Variants in ITGB3 observed in about 807,000 individuals in gnomAD.
ITGB3 encodes integrin subunit beta 3.
In ITGB3, 48 loss-of-function variants were observed where a neutral mutation model predicts 85.8. The ratio of observed to expected loss-of-function variants is 0.56; its 90% CI spans 0.44 to 0.71. The LOEUF is 0.71. Among genes scored for constraint, ITGB3 ranks in the 30% least tolerant of loss-of-function variants. The pLI is 0.00. For missense variants in ITGB3, 861 were observed against 1,019.1 expected, an observed-to-expected ratio of 0.84 and a Z score of 2.11; for synonymous variants, 363 against 395.6, an observed-to-expected ratio of 0.92 and a Z score of 0.98.
At chr17:47,275,823 T>C (rs11868894) in intron 2 of ITGB3, among the ~76,000 whole-genome samples, 25,225 of 152,086 alleles carry the variant, frequency 0.17, 2,226 homozygotes, top group Middle Eastern at 0.28. Context: ...ATTTAGCAAA[T>C]GAAACATTCC....
At chr17:47,298,909 C>G (rs2065155628) in intron 10 of ITGB3, among the ~76,000 whole-genome samples, 1 of 152,188 alleles carries the variant, frequency 6.6e-6, no homozygotes, top group Non-Finnish European at 1.5e-5. Context: ...TGGCTTTGTG[C>G]TGTGTCAGCC....
Position 47,253,993 on chromosome 17 carries a change from C to T in ITGB3, c.79+53C>T, listed in dbSNP as rs998849528. The T allele has an allele frequency of 5.9e-6, 7 of 1,183,484 alleles. No individual in the cohort carries two copies. In the African/African-American group the frequency reaches 9.7e-5, roughly 16 times the overall value. 73.3% of individuals were successfully genotyped at this position (1,183,484 alleles called of 1,614,324 possible). ...CGCAGCTGCCCCAGGATCTGCGCCCCGGTCAAGTTGCGGACTTGGAGCCGG... is the reference window on the plus strand; with the variant it reads ...CGCAGCTGCCCCAGGATCTGCGCCCTGGTCAAGTTGCGGACTTGGAGCCGG... On this transcript the variant is annotated intron_variant, in intron 1 of 14. Transcript: ENST00000559488.
intron 1 of ITGB3, among the ~76,000 whole-genome samples, chr17:47,274,164 C>T: frequency 6.6e-6 from 1 of 152,236 alleles, no homozygotes; most frequent in Non-Finnish European, 1.5e-5. Flanking sequence ...GTCCATGGCT[C>T]AGCCTTGCCC....
Position 47,286,259 on chromosome 17 carries a change from G to A in ITGB3, c.615-1G>A. 6.2e-7 allele frequency: 1 copy of A among 1,614,160 alleles called. No individual in the cohort carries two copies. Among genetic ancestry groups the A allele is most frequent in the Non-Finnish European group, 8.5e-7 (1 of 1,180,018 alleles). On this transcript the variant is annotated splice_acceptor_variant, in intron 4 of 14. Transcript: ENST00000559488. LOFTEE classifies it high-confidence loss of function. The stretch of plus-strand genomic sequence containing the variant: ...TTAAATTATCTCCCATCCCTCCCCA[G>A]TATGAAGACCACCTGCTTGCCCATG...
Position 47,310,201 on chromosome 17 carries a change from TTAATGA to T in ITGB3, c.*1_*6del. The T allele has an allele frequency of 6.2e-7, 1 of 1,613,646 alleles. No individual in the cohort carries two copies. The highest frequency in any genetic ancestry group is 1.1e-5 in the South Asian group (1 of 91,062). The stretch of plus-strand genomic sequence containing the variant: ...TCACCAATATCACGTACCGGGGCAC[TTAATGA>T]TAAGCAGTCATCCTCAGATCATTAT... On this transcript the variant is annotated stop_retained_variant and 3_prime_UTR_variant, in exon 15 of 15. Coordinates refer to ENST00000559488, the MANE Select transcript of ITGB3 (RefSeq NM_000212.3).
At chr17:47,270,956 T>G (rs775449766) in intron 1 of ITGB3, among the ~76,000 whole-genome samples, 3 of 152,200 alleles carry the variant, frequency 2.0e-5, no homozygotes, top group Non-Finnish European at 2.9e-5. Context: ...ATGAGCTCAG[T>G]TGCTTAAAAA....
intron 2 of ITGB3, among the ~76,000 whole-genome samples, chr17:47,282,478 A>G (rs189118828): frequency 6.6e-6 from 1 of 152,188 alleles, no homozygotes; most frequent in African/African-American, 2.4e-5. Context: ...GACTGTTATT[A>G]TGTTCGTGTT....
chr17:47,300,687 C>G lies in ITGB3; in HGVS notation c.2014+109C>G, dbSNP rs1019781808. The G allele has an allele frequency of 5.0e-6, 4 of 796,750 alleles. No homozygotes were observed. In the African/African-American group the frequency reaches 5.1e-5, roughly 10 times the overall value. The allele number at this position is 796,750 out of a possible 1,614,324, so 49.4% of individuals were successfully genotyped here. ...TGTAAAATGGAAGCGTGACTTCTAC[C>G]TCAGGGAATGTTGTGCAGGCTTGAG... On this transcript the variant is annotated intron_variant, in intron 12 of 14. Coordinates refer to ENST00000559488, the MANE Select transcript of ITGB3 (RefSeq NM_000212.3).
Position 47,300,340 on chromosome 17 carries a change from C to CGTGTGTGT in ITGB3, c.1914-137_1914-136insTGTGTGTG, listed in dbSNP as rs781123948. 1,756 of 506,084 alleles carry CGTGTGTGT rather than the reference C, an allele frequency of 3.5e-3. 1 individual carries two copies. The highest frequency in any genetic ancestry group is 0.012 in the African/African-American group (300 of 25,390). 31.3% of individuals were successfully genotyped at this position (506,084 alleles called of 1,614,324 possible). A position where few individuals can be genotyped will look rare whatever the true frequency, so the allele number is the denominator to read the frequency against. ...TCCCCAGGATTGTCTTACAGGCGCG[C>CGTGTGTGT]GCGCGCGTGTGTGTGTGTGTGTGTG... On this transcript the variant is annotated intron_variant, in intron 11 of 14. Coordinates refer to ENST00000559488, the MANE Select transcript of ITGB3 (RefSeq NM_000212.3).
rs751258146 is a variant in ITGB3, at chr17:47,299,283, A to G, written c.1691-25A>G. On this transcript the variant is annotated intron_variant, in intron 10 of 14. Transcript: ENST00000559488. This position sits in a 1 kb window ranked among gnomAD's most constrained non-coding sequence, Gnocchi z 5.1. ...GAGTGGAGCTCTCGCCAGCGGGTCC[A>G]CCTTCCTGGGCTGTGTGTTTTCAGG... The G allele has an allele frequency of 1.2e-6, 2 of 1,611,044 alleles. No homozygotes were observed. The highest frequency in any genetic ancestry group is 2.2e-5 in the East Asian group (1 of 44,862).
chr17:47,295,451 C>T (rs373386957), intron 10 of ITGB3, among the ~76,000 whole-genome samples: 25 of 152,112 alleles, frequency 1.6e-4, no homozygotes, highest in African/African-American at 4.3e-4. Context: ...TCTGACTTTC[C>T]GATGAACCCG....
chr17:47,263,075 GA>G (rs1461166145), intron 1 of ITGB3, among the ~76,000 whole-genome samples: 1 of 152,206 alleles, frequency 6.6e-6, no homozygotes. Flanking sequence ...CCAGAGAGAT[GA>G]AGGGATGTAC....
intron 1 of ITGB3, among the ~76,000 whole-genome samples, chr17:47,258,143 G>A (rs1034481955): frequency 2.0e-5 from 3 of 152,158 alleles, no homozygotes; most frequent in Non-Finnish European, 4.4e-5. Flanking sequence ...GGGATGAACC[G>A]CTTCGTTTTA....
At chr17:47,266,278 T>C (rs1357046366) in intron 1 of ITGB3, among the ~76,000 whole-genome samples, 1 of 152,192 alleles carries the variant, frequency 6.6e-6, no homozygotes, top group African/African-American at 2.4e-5. Context: ...CCCTTCTCGA[T>C]AAACACCTCT....
rs376429975 is a variant in ITGB3, at chr17:47,292,528, C to T, written c.1650C>T (p.Asp550=). The change falls in exon 10 of 15, where the codon GAC becomes GAT. Residue 550 remains aspartate, a synonymous_variant. Transcript: ENST00000559488. ...GKITGKYCEC[D]DFSCVRYKGE... ...TCACGGGCAAGTACTGCGAGTGTGACGACTTCTCCTGTGTCCGCTACAAGG... is the reference window on the plus strand; with the variant it reads ...TCACGGGCAAGTACTGCGAGTGTGATGACTTCTCCTGTGTCCGCTACAAGG... 4.2e-5 allele frequency: 67 copies of T among 1,603,926 alleles called. No homozygotes were observed. Among genetic ancestry groups the T allele is most frequent in the East Asian group, 2.5e-4 (11 of 44,872 alleles).
At chr17:47,258,140 A>G (rs1260395170) in intron 1 of ITGB3, among the ~76,000 whole-genome samples, 3 of 152,156 alleles carry the variant, frequency 2.0e-5, no homozygotes, top group Non-Finnish European at 1.5e-5. Flanking sequence ...TCAGGGATGA[A>G]CCGCTTCGTT....
At chr17:47,308,022 C>T (rs796748715) in intron 14 of ITGB3, among the ~76,000 whole-genome samples, 15 of 151,742 alleles carry the variant, frequency 9.9e-5, no homozygotes, top group African/African-American at 2.2e-4. Flanking sequence ...AAAAATTAGC[C>T]GGGTGTGGTG....
At chr17:47,274,927 A>G (rs919854868) in intron 2 of ITGB3, among the ~76,000 whole-genome samples, 2 of 152,140 alleles carry the variant, frequency 1.3e-5, no homozygotes, top group Non-Finnish European at 2.9e-5. Context: ...TTCATGTGTG[A>G]CCCACCATGC....
At chr17:47,290,461 G>GAAGA (rs1356868183) in intron 8 of ITGB3, among the ~76,000 whole-genome samples, 187 bp downstream of exon 8, 1 of 151,984 alleles carries the variant, frequency 6.6e-6, no homozygotes, top group Non-Finnish European at 1.5e-5. Flanking sequence ...AGGAAGGAAG[G>GAAGA]AAGGAAGGAA....
Sources: gnomAD v4.1 joint callset for allele counts (sites outside exome capture counted in the v4.1 genomes callset) on GRCh38, gnomAD v4.1.1 for gene constraint, Gnocchi (gnomAD v3.1) non-coding constraint, MANE v1.5 for transcripts, NCBI Gene and HGNC (gene_info 2026-07-23, HGNC 2026-07-21) for gene names.